CFAP54: variants seen among roughly 807,000 people sequenced by gnomAD.
CFAP54 encodes the protein cilia- and flagella-associated protein 54.
Under a neutral mutation model 370.4 loss-of-function variants are expected in CFAP54, and 290 were observed. The ratio of observed to expected loss-of-function variants is 0.78; its 90% CI spans 0.71 to 0.86. The LOEUF (loss-of-function observed/expected upper bound fraction) is 0.86. Ranked by LOEUF, CFAP54 falls within the 40% of genes least tolerant of loss-of-function variation. CFAP54 has a pLI of 0.00. For synonymous variants in CFAP54, 1,206 were observed against 1,236.5 expected, an observed-to-expected ratio of 0.98 and a Z score of 0.52; for missense variants, 3,399 against 3,528.7, an observed-to-expected ratio of 0.96 and a Z score of 0.93.
chr12:96,623,457 T>C (rs115361687), intron 27 of CFAP54, among the ~76,000 whole-genome samples: 2,839 of 152,288 alleles, frequency 0.019, 101 homozygotes, highest in African/African-American at 0.066. Flanking sequence ...TTTAGAGACA[T>C]AGCCTCAGCT....
Position 96,534,119 on chromosome 12 carries a change from A to G in CFAP54, c.1597A>G (p.Met533Val), listed in dbSNP as rs779937103. Residue 533 changes from methionine to valine, a missense_variant, in exon 11 of 68, where the codon ATG becomes GTG. Physicochemically the swap from Met to Val is conservative, Grantham distance 21. Around this residue, in one of 3 missense-constraint regions of CFAP54, gnomAD observed 44 missense variants for 82.3 expected, o/e 0.53. Transcript: ENST00000524981. ...AEKDLTLLIA[M>V]EPLINVKRNK... Reference sequence around the variant, plus strand: ...GAAGGATTTAACTCTTCTGATTGCAATGGAACCACTAATCAACGTGAAGAG... The same window carrying G: ...GAAGGATTTAACTCTTCTGATTGCAGTGGAACCACTAATCAACGTGAAGAG... 3.9e-6 allele frequency: 6 copies of G among 1,534,588 alleles called. No homozygotes were observed. The highest frequency in any genetic ancestry group is 1.2e-5 in the South Asian group (1 of 83,652).
At chr12:96,572,262 T>C (rs1042479484) in intron 19 of CFAP54, among the ~76,000 whole-genome samples, 2 of 152,148 alleles carry the variant, frequency 1.3e-5, no homozygotes, top group South Asian at 2.1e-4. Flanking sequence ...AAAATAAAGA[T>C]ACTATGTAAT....
chr12:96,504,801 G>A lies in CFAP54; in HGVS notation c.567+772G>A, dbSNP rs181855979. ...TTCAATTTGGCTGTACCATAGGTACGTGAATGAGAATACTGGGCGATGTAG... is the reference window on the plus strand; with the variant it reads ...TTCAATTTGGCTGTACCATAGGTACATGAATGAGAATACTGGGCGATGTAG... On this transcript the variant is annotated intron_variant, in intron 3 of 67. Coordinates refer to ENST00000524981, the MANE Select transcript of CFAP54 (RefSeq NM_001306084.2). Among the ~76,000 whole-genome samples, 100 of 152,266 alleles carry A rather than the reference G, an allele frequency of 6.6e-4. 1 individual carries two copies. Among genetic ancestry groups the A allele is most frequent in the Non-Finnish European group, 4.0e-4 (27 of 68,008 alleles).
chr12:96,690,521 A>C (rs1957377309), intron 43 of CFAP54, among the ~76,000 whole-genome samples: 1 of 152,214 alleles, frequency 6.6e-6, no homozygotes, highest in Non-Finnish European at 1.5e-5. Flanking sequence ...CAAATTAAAC[A>C]ATAATCTTTT....
intron 52 of CFAP54, among the ~76,000 whole-genome samples, chr12:96,743,190 T>A (rs544329515): frequency 5.1e-4 from 77 of 152,328 alleles, no homozygotes; most frequent in African/African-American, 1.8e-3. Context: ...AATATCATCA[T>A]TTTTGCAGCA....
At chr12:96,658,630 T>G in intron 38 of CFAP54, among the ~76,000 whole-genome samples, 1 of 151,990 alleles carries the variant, frequency 6.6e-6, no homozygotes, top group Admixed American at 6.6e-5. Context: ...TTTTTTTTGT[T>G]TTTGTTTTTG....
At chr12:96,777,204 C>T (rs951899636) in intron 60 of CFAP54, among the ~76,000 whole-genome samples, 2 of 152,110 alleles carry the variant, frequency 1.3e-5, no homozygotes, top group African/African-American at 4.8e-5. Context: ...AGTGCTTTTC[C>T]TGGAGACAGC....
intron 4 of CFAP54, among the ~76,000 whole-genome samples, chr12:96,511,684 A>G (rs2136358032): frequency 6.6e-6 from 1 of 152,172 alleles, no homozygotes; most frequent in African/African-American, 2.4e-5. Context: ...GGGTTTCTCC[A>G]TGTTGGCCAG....
chr12:96,572,727 G>T, intron 19 of CFAP54: 1 of 331,026 alleles, frequency 3.0e-6, no homozygotes, highest in Non-Finnish European at 4.3e-6. Flanking sequence ...AATTATCCTT[G>T]GTGTTTGTAA....
intron 26 of CFAP54, among the ~76,000 whole-genome samples, chr12:96,618,375 C>A (rs529233977): frequency 6.6e-6 from 1 of 152,174 alleles, no homozygotes; most frequent in African/African-American, 2.4e-5. Context: ...GAGCAGGATC[C>A]CTGAAAGCAT....
intron 15 of CFAP54, among the ~76,000 whole-genome samples, chr12:96,548,338 G>C (rs1258402955): frequency 6.6e-6 from 1 of 151,858 alleles, no homozygotes; most frequent in Non-Finnish European, 1.5e-5. Context: ...TTGTATAAAA[G>C]ATATTTATAT....
At chr12:96,787,997 G>A (rs778642583) in intron 62 of CFAP54, among the ~76,000 whole-genome samples, 5 of 150,834 alleles carry the variant, frequency 3.3e-5, no homozygotes, top group South Asian at 2.1e-4. Context: ...GCTCACTGCC[G>A]CCTCTGCCTC....
In CFAP54 at chr12:96,766,393, C is replaced by G. The variant is rs561327507; in HGVS notation, c.8281+1175C>G. On this transcript the variant is annotated intron_variant, in intron 60 of 67. Transcript: ENST00000524981. ...TCTTTAAGGTTCCCATAGGTGGGTT[C>G]TCTGGGGACAAAGCCATTGACCCTA... is the stretch of plus-strand genomic sequence containing the variant. 2.6e-5 allele frequency among the ~76,000 whole-genome samples: 4 copies of G among 152,152 alleles called. No individual in the cohort carries two copies. In the East Asian group the frequency reaches 5.8e-4, roughly 22 times the overall value.
At chr12:96,740,940 A>T (rs561226270) in intron 51 of CFAP54, among the ~76,000 whole-genome samples, 3 of 152,354 alleles carry the variant, frequency 2.0e-5, no homozygotes, top group African/African-American at 7.2e-5. Flanking sequence ...CACAGCAGTT[A>T]TCTGGCCCTA....
At chr12:96,846,195 A>G (rs1959339543) in intron 66 of CFAP54, among the ~76,000 whole-genome samples, 1 of 152,266 alleles carries the variant, frequency 6.6e-6, no homozygotes, top group Non-Finnish European at 1.5e-5. Flanking sequence ...AATGAGGAAT[A>G]GACATTTAGT....
At position 96,685,058 on chromosome 12, in the gene CFAP54, TTGA is replaced by T. The variant is rs1448196577; in HGVS notation, c.5838_5840del (p.Asp1947del). 1.9e-6 allele frequency: 3 copies of T among 1,613,978 alleles called. No individual in the cohort carries two copies. Among genetic ancestry groups the T allele is most frequent in the African/African-American group, 1.3e-5 (1 of 74,934 alleles). ...GCTTTTAAGTGTTGGTGTCAAGCTC[TTGA>T]TGACATATTCAGAAAACCAGACGTG... is the stretch of plus-strand genomic sequence containing the variant. On this transcript the variant is annotated inframe_deletion, in exon 42 of 68. Transcript: ENST00000524981.
rs548708984 is a variant in CFAP54, at chr12:96,756,540, C to T, written c.7923C>T (p.Ser2641=). ...LESLYEAIQL[S]LKNDQNSGLI... ...GTTTATATGAAGCTATACAACTAAG[C>T]CTGAAAAATGATCAAAACTCAGGGT... Residue 2641 remains serine, a synonymous_variant, in exon 57 of 68, where the codon AGC becomes AGT. Transcript: ENST00000524981. The T allele has an allele frequency of 3.1e-6, 5 of 1,601,936 alleles. No individual in the cohort carries two copies. Among genetic ancestry groups the T allele is most frequent in the Non-Finnish European group, 4.3e-6 (5 of 1,172,278 alleles).
At chr12:96,720,340 A>C (rs573768816) in intron 49 of CFAP54, 65 bp from the exon 50 acceptor site, 1 of 1,255,838 alleles carries the variant, frequency 8.0e-7, no homozygotes, top group Non-Finnish European at 1.0e-6. Context: ...ATATTTGCTA[A>C]AGAAGAAAGA....
chr12:96,675,415 G>A (rs942224533), intron 39 of CFAP54, among the ~76,000 whole-genome samples: 161 of 152,184 alleles, frequency 1.1e-3, no homozygotes, highest in African/African-American at 3.4e-3. Context: ...TTAGAATGGC[G>A]ATCATTAAAA....
Sources: gnomAD v4.1 joint callset for allele counts (sites outside exome capture counted in the v4.1 genomes callset) on GRCh38, gnomAD v4.1.1 for gene constraint, gnomAD v4.1.1 regional missense constraint, MANE v1.5 for transcripts, NCBI Gene and HGNC (gene_info 2026-07-23, HGNC 2026-07-21) for gene names.